The following SLC2A7 variants were observed in gnomAD, a reference collection of about 807,000 sequenced individuals.
SLC2A7 encodes the protein solute carrier family 2, facilitated glucose transporter member 7.
A neutral mutation model predicts 50.5 loss-of-function variants in SLC2A7; 50 were observed. The observed-to-expected ratio is 0.99, with a 90% CI of 0.79 to 1.25. The LOEUF (loss-of-function observed/expected upper bound fraction) is 1.25, where lower values mean the gene tolerates loss of function less well. SLC2A7 is among the 50% of genes most tolerant of loss of function. The pLI is 0.00. For synonymous variants in SLC2A7, 308 were observed against 300.4 expected (o/e 1.03, Z -0.26); for missense variants, 683 against 679.1 (o/e 1.01, Z -0.06).
the SLC2A7 span, among the ~76,000 whole-genome samples, chr1:8,996,176 T>C: frequency 2.6e-5 from 4 of 152,264 alleles, no homozygotes; most frequent in African/African-American, 9.6e-5. Context: ...AAACATTTCA[T>C]TGCCCCCAAA....
intron 4 of SLC2A7, 149 bp from the exon 5 acceptor site, chr1:9,018,524 T>C (rs1242161089): frequency 8.6e-7 from 1 of 1,167,002 alleles, no homozygotes; most frequent in African/African-American, 1.6e-5. Flanking sequence ...CTGTTTAGTT[T>C]GGACTTACAC....
At chr1:9,025,111 C>G (rs1244980444) in intron 1 of SLC2A7, 37 bp from the exon 2 acceptor site, 26 of 1,604,760 alleles carry the variant, frequency 1.6e-5, no homozygotes, top group Non-Finnish European at 2.2e-5. Context: ...ACGCTGTGGG[C>G]TTGGGCCTCG....
chr1:9,016,433 T>C (rs868647628), intron 5 of SLC2A7, among the ~76,000 whole-genome samples: 1 of 152,106 alleles, frequency 6.6e-6, no homozygotes, highest in African/African-American at 2.4e-5. Flanking sequence ...AGTGAGACCC[T>C]TGTCTCTATA....
At chr1:9,023,937 C>T (rs1640957014) in intron 2 of SLC2A7, among the ~76,000 whole-genome samples, 1 of 137,926 alleles carries the variant, frequency 7.3e-6, no homozygotes, top group Non-Finnish European at 1.5e-5. Context: ...CTCACTGCAA[C>T]CTCTGATTCC....
downstream of SLC2A7, among the ~76,000 whole-genome samples, chr1:9,001,421 T>TA (rs1272649828): frequency 2.0e-4 from 27 of 136,386 alleles, no homozygotes; most frequent in African/African-American, 8.2e-4. Context: ...CAGGTGCTAT[T>TA]TTTTTTTTTT....
intron 5 of SLC2A7, among the ~76,000 whole-genome samples, chr1:9,015,735 T>G (rs1406930990): frequency 6.6e-6 from 1 of 150,934 alleles, no homozygotes; most frequent in Non-Finnish European, 1.5e-5. Flanking sequence ...TTTTTTTTTT[T>G]TTTTTTGAGA....
In SLC2A7 at chr1:9,010,194, G is replaced by C. The variant is rs139810479; in HGVS notation, c.1065C>G (p.Tyr355Ter). 1.9e-6 allele frequency: 3 copies of C among 1,551,614 alleles called. No homozygotes were observed. In the South Asian group the frequency reaches 3.6e-5, roughly 18 times the overall value. The change falls in exon 9 of 12, where the codon TAC becomes TAG. Residue 355 changes from tyrosine (Y) to a stop codon, truncating the protein, a stop_gained. Coordinates refer to ENST00000400906, the MANE Select transcript of SLC2A7 (RefSeq NM_207420.3). LOFTEE classifies it high-confidence loss of function. ...CCAGGCAGGCAGAGCCGCAGATGCC[G>C]TAGCCGGCCAGCAGGAGGTGCCGCC... ...LGRRHLLLAG[Y>*]GICGSACLVL...
At position 9,010,238 on chromosome 1, in the gene SLC2A7, G is replaced by A. The variant is rs1227208839; in HGVS notation, c.1021C>T (p.Leu341Phe). Reference protein sequence around the residue: ...NIVMTITSAVLVERLGRRHLL... With the variant: ...NIVMTITSAVFVERLGRRHLL... Reference sequence around the variant, plus strand: ...TGCCGCCGTCCCAGCCGCTCCACAAGGACAGCCTGGAGGGGAAGGGGGACA... The same window carrying A: ...TGCCGCCGTCCCAGCCGCTCCACAAAGACAGCCTGGAGGGGAAGGGGGACA... The change falls in exon 9 of 12, where the codon CTT becomes TTT. Residue 341 changes from leucine to phenylalanine, a missense_variant. Physicochemically the swap from Leu to Phe is conservative, Grantham distance 22 (BLOSUM62 0). Coordinates refer to ENST00000400906, the MANE Select transcript of SLC2A7 (RefSeq NM_207420.3). The A allele has an allele frequency of 3.9e-6, 6 of 1,550,784 alleles. No individual in the cohort carries two copies. Among genetic ancestry groups the A allele is most frequent in the Non-Finnish European group, 5.2e-6 (6 of 1,146,880 alleles).
chr1:9,004,941 G>A (rs369478264), intron 10 of SLC2A7, 62 bp from the exon 11 acceptor site: 2 of 1,553,856 alleles, frequency 1.3e-6, no homozygotes, highest in African/African-American at 1.3e-5. Flanking sequence ...AGGGCTGGCG[G>A]GACGCGGCCC....
At chr1:9,017,216 A>T (rs961413931) in intron 5 of SLC2A7, among the ~76,000 whole-genome samples, 4 of 152,194 alleles carry the variant, frequency 2.6e-5, no homozygotes, top group Non-Finnish European at 5.9e-5. Context: ...GCTACTCAGG[A>T]GGCTGAGGCA....
Position 9,008,142 on chromosome 1 carries a change from G to A in SLC2A7, c.1117-757C>T, listed in dbSNP as rs909047710. On this transcript the variant is annotated intron_variant, in intron 9 of 11. Coordinates refer to ENST00000400906, the MANE Select transcript of SLC2A7 (RefSeq NM_207420.3). This position sits in a 1 kb window ranked among gnomAD's most constrained non-coding sequence, Gnocchi z 5.9. Reference sequence around the variant, plus strand: ...CCGAGAGAACAGCCAATGCAAAACCGGGTCAACGGACTTCAGCCAAACTAA... The same window carrying A: ...CCGAGAGAACAGCCAATGCAAAACCAGGTCAACGGACTTCAGCCAAACTAA... Among the ~76,000 whole-genome samples, 1 of 151,942 alleles carries A rather than the reference G, an allele frequency of 6.6e-6. No homozygotes were observed. The highest frequency in any genetic ancestry group is 1.5e-5 in the Non-Finnish European group (1 of 67,992).
At position 9,008,037 on chromosome 1, in the gene SLC2A7, A is replaced by G. The variant is rs1216461440; in HGVS notation, c.1117-652T>C. Among the ~76,000 whole-genome samples, 4 of 152,054 alleles carry G rather than the reference A, an allele frequency of 2.6e-5. No individual in the cohort carries two copies. Among genetic ancestry groups the G allele is most frequent in the Non-Finnish European group, 5.9e-5 (4 of 67,996 alleles). ...TCAACATGAGTGAGCTGAGGTCCGG[A>G]CTTTCTCTACCATTCTCTGGAGACT... On this transcript the variant is annotated intron_variant, in intron 9 of 11. Coordinates refer to ENST00000400906, the MANE Select transcript of SLC2A7 (RefSeq NM_207420.3). This position sits in a 1 kb window ranked among gnomAD's most constrained non-coding sequence, Gnocchi z 5.9.
chr1:8,996,471 A>T, the SLC2A7 span, among the ~76,000 whole-genome samples: 4 of 152,190 alleles, frequency 2.6e-5, no homozygotes, highest in South Asian at 8.3e-4. Flanking sequence ...TTCTAAATGA[A>T]GCTGCTATGA....
intron 3 of SLC2A7, among the ~76,000 whole-genome samples, chr1:9,022,024 T>C (rs996244803): frequency 6.6e-6 from 1 of 152,220 alleles, no homozygotes; most frequent in Non-Finnish European, 1.5e-5. Flanking sequence ...CAGCGCATAA[T>C]GTATGGCAAA....
At position 9,019,207 on chromosome 1, in the gene SLC2A7, A is replaced by G. The variant is rs201028235; in HGVS notation, c.436+2T>C. 2 of 1,613,618 alleles carry G rather than the reference A, an allele frequency of 1.2e-6. No homozygotes were observed. Among genetic ancestry groups the G allele is most frequent in the Admixed American group, 3.3e-5 (2 of 59,984 alleles). Reference sequence around the variant, plus strand: ...CTGAGCCGGAGCCTGGGCCCCAGGTACCTGCACAGACTCCCAGCACCACTC... The same window carrying G: ...CTGAGCCGGAGCCTGGGCCCCAGGTGCCTGCACAGACTCCCAGCACCACTC... On this transcript the variant is annotated splice_donor_variant, in intron 4 of 11. Coordinates refer to ENST00000400906, the MANE Select transcript of SLC2A7 (RefSeq NM_207420.3). LOFTEE classifies it high-confidence loss of function.
chr1:9,021,332 C>T (rs923494551), intron 3 of SLC2A7, among the ~76,000 whole-genome samples: 3 of 152,072 alleles, frequency 2.0e-5, no homozygotes, highest in Admixed American at 6.6e-5. Flanking sequence ...TTTATTTCTT[C>T]TCTCTCCACC....
Position 9,018,211 on chromosome 1 carries a change from G to A in SLC2A7, c.589+12C>T. 3 of 1,614,032 alleles carry A rather than the reference G, an allele frequency of 1.9e-6. No individual in the cohort carries two copies. Among genetic ancestry groups the A allele is most frequent in the Non-Finnish European group, 2.5e-6 (3 of 1,179,976 alleles). Reference sequence around the variant, plus strand: ...GACTGGACCTAGCGTGACCTCTGCGGCTGCCGGTTACCTGCCGGGTTGCCC... The same window carrying A: ...GACTGGACCTAGCGTGACCTCTGCGACTGCCGGTTACCTGCCGGGTTGCCC... On this transcript the variant is annotated intron_variant, in intron 5 of 11. Transcript: ENST00000400906.
At chr1:9,021,593 C>A (rs1346027899) in intron 3 of SLC2A7, among the ~76,000 whole-genome samples, 2 of 152,122 alleles carry the variant, frequency 1.3e-5, no homozygotes, top group African/African-American at 2.4e-5. Context: ...CCAGGGAGTC[C>A]ACAGACAAGC....
intron 7 of SLC2A7, 24 bp downstream of exon 7, chr1:9,014,657 C>T (rs1445411040): frequency 2.6e-6 from 4 of 1,550,572 alleles, no homozygotes; most frequent in Non-Finnish European, 3.5e-6. Context: ...ATCTGTCTCC[C>T]TGCCTGGCCA....
Sources: allele counts gnomAD v4.1 joint callset (sites outside exome capture counted in the v4.1 genomes callset), GRCh38; gene constraint gnomAD v4.1.1; non-coding constraint Gnocchi (gnomAD v3.1); transcripts MANE v1.5; gene names NCBI Gene and HGNC (gene_info 2026-07-23, HGNC 2026-07-21).